KDELR1: variants seen among roughly 807,000 people sequenced by gnomAD.
KDELR1 encodes the protein KDEL endoplasmic reticulum protein retention receptor 1.
In KDELR1, 16 loss-of-function variants were observed where a neutral mutation model predicts 25.5. The observed-to-expected ratio is 0.63, with a 90% CI of 0.43 to 0.95. The LOEUF is 0.95. Among genes scored for constraint, KDELR1 ranks in the 40% least tolerant of loss-of-function variants. KDELR1 has a pLI of 0.00. For synonymous variants in KDELR1, 121 were observed against 115.0 expected (o/e 1.05, Z -0.33); for missense variants, 159 against 265.2 (o/e 0.60, Z 2.78).
At chr19:48,388,763 GGAAAGAAAGGAA>G (rs1267989268) in intron 3 of KDELR1, among the ~76,000 whole-genome samples, 1 of 138,264 alleles carries the variant, frequency 7.2e-6, no homozygotes, top group Non-Finnish European at 1.5e-5. Context: ...AAGAAAGAAA[GGAAAGAAAGGAA>G]GAAAGAAAGA....
chr19:48,394,645 G>A (rs927816996), upstream of KDELR1, among the ~76,000 whole-genome samples: 3 of 152,148 alleles, frequency 2.0e-5, no homozygotes, highest in Non-Finnish European at 4.4e-5. This position sits in a 1 kb window ranked among gnomAD's most constrained non-coding sequence, Gnocchi z 5.1. Flanking sequence ...AATGTCCGGG[G>A]CCCAACTTCC....
chr19:48,384,313 C>G lies in KDELR1; in HGVS notation c.521G>C (p.Gly174Ala). 6.2e-7 allele frequency: 1 copy of G among 1,614,220 alleles called. No homozygotes were observed. Among genetic ancestry groups the G allele is most frequent in the South Asian group, 1.1e-5 (1 of 91,086 alleles). Residue 174 changes from glycine to alanine, a missense_variant, in exon 4 of 5, where the codon GGC (glycine) becomes GCC (alanine). By Grantham distance (60) the Gly-to-Ala change is moderately conservative. Transcript: ENST00000330720. This position sits in a 1 kb window ranked among gnomAD's most constrained non-coding sequence, Gnocchi z 4.6. ...FNWIWRYHFE[G>A]FFDLIAIVAG... The stretch of plus-strand genomic sequence containing the variant: ...CACAATGGCGATGAGGTCGAAGAAG[C>G]CCTCGAAATGGTAGCGCCAGATCCA...
chr19:48,389,640 C>G lies in KDELR1; in HGVS notation c.264G>C (p.Gly88=), dbSNP rs1970524876. The G allele has an allele frequency of 1.2e-6, 2 of 1,614,134 alleles. No homozygotes were observed. The highest frequency in any genetic ancestry group is 1.7e-6 in the Non-Finnish European group (2 of 1,179,982). ...IYSKFKATYD[G]NHDTFRVEFL... Reference sequence around the variant, plus strand: ...ACTCCACTCTGAACGTGTCATGGTTCCCATCGTAAGTAGCTTTGAACTTGC... The same window carrying G: ...ACTCCACTCTGAACGTGTCATGGTTGCCATCGTAAGTAGCTTTGAACTTGC... Residue 88 remains glycine, a synonymous_variant, in exon 3 of 5, where the codon GGG becomes GGC. Coordinates refer to ENST00000330720, the MANE Select transcript of KDELR1 (RefSeq NM_006801.3).
upstream of KDELR1, among the ~76,000 whole-genome samples, chr19:48,395,724 G>A (rs1381449656): frequency 6.6e-6 from 1 of 152,058 alleles, no homozygotes; most frequent in African/African-American, 2.4e-5. Context: ...TGACTAGGGA[G>A]GCCAGAGCTC....
chr19:48,389,441 A>G, intron 3 of KDELR1, 112 bp downstream of exon 3: 2 of 1,293,640 alleles, frequency 1.5e-6, no homozygotes, highest in Non-Finnish European at 2.2e-6. Flanking sequence ...TGCATCCTAA[A>G]ATAAGGCAGT....
At chr19:48,396,557 G>A in the KDELR1 span, among the ~76,000 whole-genome samples, 3 of 151,898 alleles carry the variant, frequency 2.0e-5, no homozygotes, top group African/African-American at 4.8e-5. Flanking sequence ...GGGGCGGAGT[G>A]GGGGGGTTAT....
Position 48,384,495 on chromosome 19 carries a change from C to G in KDELR1, c.352-13G>C. The G allele has an allele frequency of 1.2e-6, 2 of 1,608,862 alleles. No homozygotes were observed. The highest frequency in any genetic ancestry group is 1.7e-6 in the Non-Finnish European group (2 of 1,177,156). On this transcript the variant is annotated splice_polypyrimidine_tract_variant and intron_variant, in intron 3 of 4. Transcript: ENST00000330720. This position sits in a 1 kb window ranked among gnomAD's most constrained non-coding sequence, Gnocchi z 4.6. ...AGGTCCAGAGGATCTGCAGAGAGGC[C>G]GGGGACATGATGAGGTGGGAGGGGA... is the stretch of plus-strand genomic sequence containing the variant.
chr19:48,383,356 T>C (rs1328463448), intron 4 of KDELR1, 29 bp from the exon 5 acceptor site: 1 of 1,550,814 alleles, frequency 6.4e-7, no homozygotes, highest in Non-Finnish European at 8.7e-7. Flanking sequence ...GGGAGGGCAT[T>C]ACCGCTGGGG....
At chr19:48,391,136 AGAGAGATCC>A (rs1970545823) in intron 1 of KDELR1, 123 bp downstream of exon 1, 1 of 776,872 alleles carries the variant, frequency 1.3e-6, no homozygotes, top group Non-Finnish European at 2.2e-6. Flanking sequence ...AGAACCTAGA[AGAGAGATCC>A]CCAGCAAGCA....
At chr19:48,388,680 G>A (rs936130296) in intron 3 of KDELR1, among the ~76,000 whole-genome samples, 2 of 149,818 alleles carry the variant, frequency 1.3e-5, no homozygotes, top group South Asian at 2.1e-4. Context: ...GCGAGACTTT[G>A]TCGAAAGAGA....
At chr19:48,390,577 G>GAGAGAGAAAGAC in intron 1 of KDELR1, 53 bp from the exon 2 acceptor site, 1 of 979,526 alleles carries the variant, frequency 1.0e-6, no homozygotes, top group Admixed American at 2.3e-5. Context: ...GAGAGAGAGA[G>GAGAGAGAAAGAC]AGACAGACAG....
At chr19:48,388,600 C>T (rs1052650538) in intron 3 of KDELR1, among the ~76,000 whole-genome samples, 1 of 151,680 alleles carries the variant, frequency 6.6e-6, no homozygotes, top group Non-Finnish European at 1.5e-5. Context: ...GCAGGAGAAT[C>T]GCTTGAACCT....
chr19:48,396,773 C>A, the KDELR1 span, among the ~76,000 whole-genome samples: 1 of 151,936 alleles, frequency 6.6e-6, no homozygotes, highest in Non-Finnish European at 1.5e-5. Flanking sequence ...GTGGACCTTT[C>A]CCCCGCCCTG....
At chr19:48,385,406 A>G (rs1354818688) in intron 3 of KDELR1, among the ~76,000 whole-genome samples, 1 of 152,132 alleles carries the variant, frequency 6.6e-6, no homozygotes, top group African/African-American at 2.4e-5. Context: ...GAGCTCTGTG[A>G]GGGCTGGGAT....
chr19:48,383,260 T>A lies in KDELR1; in HGVS notation c.*33A>T. On this transcript the variant is annotated 3_prime_UTR_variant, in exon 5 of 5. Coordinates refer to ENST00000330720, the MANE Select transcript of KDELR1 (RefSeq NM_006801.3). ...TCTGCCGCCTTCCTCTGCCTCCCGC[T>A]GCTGCCGAGGAGAGAGATGGAGAGG... 1.9e-6 allele frequency: 3 copies of A among 1,550,442 alleles called. No individual in the cohort carries two copies. Among genetic ancestry groups the A allele is most frequent in the South Asian group, 2.4e-5 (2 of 84,032 alleles).
At chr19:48,387,064 TAA>T (rs35835908) in intron 3 of KDELR1, among the ~76,000 whole-genome samples, 46 of 116,138 alleles carry the variant, frequency 4.0e-4, no homozygotes, top group African/African-American at 9.0e-4. Flanking sequence ...CAGCAAGACT[TAA>T]AAAAAAAAAA....
At position 48,382,928 on chromosome 19, in the gene KDELR1, G is replaced by A. The variant is rs1035752581; in HGVS notation, c.*365C>T. 5 of 221,204 alleles carry A rather than the reference G, an allele frequency of 2.3e-5. No individual in the cohort carries two copies. The highest frequency in any genetic ancestry group is 7.0e-5 in the African/African-American group (3 of 42,758). The allele number at this position is 221,204 out of a possible 1,614,324, so 13.7% of individuals were successfully genotyped here. On this transcript the variant is annotated 3_prime_UTR_variant, in exon 5 of 5. Coordinates refer to ENST00000330720, the MANE Select transcript of KDELR1 (RefSeq NM_006801.3). ...GGGGCTGGGGGTGGGATCTGGGAGG[G>A]AGCCGAGGGGCCTGGGGAAGGGAAA...
intron 3 of KDELR1, 47 bp downstream of exon 3, chr19:48,389,506 C>T: frequency 6.2e-7 from 1 of 1,609,572 alleles, no homozygotes; most frequent in Non-Finnish European, 8.5e-7. Flanking sequence ...CATAGCTACT[C>T]TGCCACAACC....
At chr19:48,396,563 G>A in the KDELR1 span, among the ~76,000 whole-genome samples, 2 of 151,890 alleles carry the variant, frequency 1.3e-5, no homozygotes, top group Non-Finnish European at 2.9e-5. Context: ...GAGTGGGGGG[G>A]TTATTCTGAG....
Sources: allele counts gnomAD v4.1 joint callset (sites outside exome capture counted in the v4.1 genomes callset), GRCh38; gene constraint gnomAD v4.1.1; non-coding constraint Gnocchi (gnomAD v3.1); transcripts MANE v1.5; gene names NCBI Gene and HGNC (gene_info 2026-07-23, HGNC 2026-07-21).